POFUT3: variants seen among roughly 807,000 people sequenced by gnomAD.
POFUT3 encodes GDP-fucose protein O-fucosyltransferase 3.
the POFUT3 span, among the ~76,000 whole-genome samples, chr8:33,353,178 ATCT>A: frequency 2.0e-5 from 3 of 152,328 alleles, no homozygotes; most frequent in Non-Finnish European, 4.4e-5. Flanking sequence ...TACTTGATAA[ATCT>A]TCATTGTTGA....
the POFUT3 span, among the ~76,000 whole-genome samples, chr8:33,448,048 A>G: frequency 1.3e-5 from 2 of 152,158 alleles, no homozygotes; most frequent in African/African-American, 2.4e-5. Flanking sequence ...GTCTATTCAA[A>G]TATGGTCTAG....
chr8:33,358,003 T>C, the POFUT3 span, among the ~76,000 whole-genome samples: 1 of 152,120 alleles, frequency 6.6e-6, no homozygotes, highest in Non-Finnish European at 1.5e-5. Flanking sequence ...TCCCAACACA[T>C]TGGGAGGCCA....
At chr8:33,423,818 TAAAAAAAA>T in the POFUT3 span, among the ~76,000 whole-genome samples, 5 of 70,140 alleles carry the variant, frequency 7.1e-5, no homozygotes, top group African/African-American at 1.7e-4. Flanking sequence ...GCACACCAAG[TAAAAAAAA>T]AAAAAAAAAA....
the POFUT3 span, among the ~76,000 whole-genome samples, chr8:33,332,182 GAA>G: frequency 6.0e-5 from 6 of 99,944 alleles, no homozygotes; most frequent in Non-Finnish European, 8.4e-5. Flanking sequence ...GGAGGAGGAG[GAA>G]AAAAAAAAAA....
the POFUT3 span, among the ~76,000 whole-genome samples, chr8:33,316,300 A>G: frequency 0.43 from 65,241 of 151,966 alleles, 15,766 homozygotes; most frequent in East Asian, 0.8. Context: ...TATCTTCCCC[A>G]CTTTACCTTG....
the POFUT3 span, among the ~76,000 whole-genome samples, chr8:33,448,104 G>A: frequency 3.9e-5 from 6 of 152,212 alleles, no homozygotes; most frequent in East Asian, 1.2e-3. Context: ...CTTTGGGAGG[G>A]CGAGGCAGAG....
At chr8:33,446,149 G>A in the POFUT3 span, among the ~76,000 whole-genome samples, 1 of 152,026 alleles carries the variant, frequency 6.6e-6, no homozygotes, top group East Asian at 1.9e-4. Flanking sequence ...GGTCTGAGCT[G>A]GGGAATGCAA....
chr8:33,436,664 C>T, the POFUT3 span: 7 of 843,808 alleles, frequency 8.3e-6, no homozygotes, highest in Admixed American at 1.8e-5. Flanking sequence ...CGCTGTGTAG[C>T]CTCCCAGGGC....
At chr8:33,400,118 T>C in the POFUT3 span, among the ~76,000 whole-genome samples, 1 of 149,130 alleles carries the variant, frequency 6.7e-6, no homozygotes, top group African/African-American at 2.5e-5. Flanking sequence ...AAGTTCCCTT[T>C]GTTAAGTTCA....
At chr8:33,320,554 T>C in the POFUT3 span, among the ~76,000 whole-genome samples, 1 of 152,180 alleles carries the variant, frequency 6.6e-6, no homozygotes, top group East Asian at 1.9e-4. Context: ...ATTCTTACCT[T>C]CCATAGATCT....
At chr8:33,442,069 C>A in the POFUT3 span, among the ~76,000 whole-genome samples, 1 of 152,066 alleles carries the variant, frequency 6.6e-6, no homozygotes, top group South Asian at 2.1e-4. Context: ...CCTGCCTCAG[C>A]CTCCTGAGTA....
At chr8:33,328,663 G>A in the POFUT3 span, among the ~76,000 whole-genome samples, 1 of 147,728 alleles carries the variant, frequency 6.8e-6, no homozygotes, top group Non-Finnish European at 1.5e-5. Context: ...CCACCAGCCC[G>A]AAGCCATCCC....
At chr8:33,428,799 C>T in the POFUT3 span, among the ~76,000 whole-genome samples, 2 of 152,188 alleles carry the variant, frequency 1.3e-5, no homozygotes, top group Admixed American at 1.3e-4. Flanking sequence ...TCTTCCACCA[C>T]GGGATGACAT....
the POFUT3 span, chr8:33,389,784 T>C: frequency 1.9e-6 from 3 of 1,612,722 alleles, no homozygotes; most frequent in African/African-American, 2.7e-5. Flanking sequence ...AAGCTATCTA[T>C]GTTAAAGTCA....
the POFUT3 span, among the ~76,000 whole-genome samples, chr8:33,417,598 G>A: frequency 2.6e-5 from 4 of 152,010 alleles, no homozygotes; most frequent in Admixed American, 6.6e-5. Context: ...AAATCCTTAG[G>A]ATATCTGAAG....
chr8:33,401,088 T>C, the POFUT3 span, among the ~76,000 whole-genome samples: 54 of 152,310 alleles, frequency 3.5e-4, no homozygotes, highest in East Asian at 6.4e-3. Context: ...GTTCAAGTGA[T>C]TCTCCTGCCT....
At chr8:33,420,866 A>C in the POFUT3 span, among the ~76,000 whole-genome samples, 3 of 152,068 alleles carry the variant, frequency 2.0e-5, no homozygotes, top group Non-Finnish European at 4.4e-5. Context: ...TACCCTGGTC[A>C]CATTATATGT....
At chr8:33,384,871 A>G in the POFUT3 span, among the ~76,000 whole-genome samples, 1 of 152,070 alleles carries the variant, frequency 6.6e-6, no homozygotes, top group Non-Finnish European at 1.5e-5. Flanking sequence ...TTTGTACAAC[A>G]CTAACTCAGA....
the POFUT3 span, among the ~76,000 whole-genome samples, chr8:33,367,857 T>C: frequency 1.3e-5 from 2 of 151,790 alleles, no homozygotes; most frequent in Non-Finnish European, 2.9e-5. Flanking sequence ...CTACATACAG[T>C]AATGGTTTTT....
Sources: gnomAD v4.1 joint callset for allele counts (sites outside exome capture counted in the v4.1 genomes callset) on GRCh38, gnomAD v4.1.1 for gene constraint, MANE v1.5 for transcripts, NCBI Gene and HGNC (gene_info 2026-07-23, HGNC 2026-07-21) for gene names.